Variants in B3GALT1 observed in about 807,000 individuals in gnomAD.
B3GALT1 encodes the protein UDP-Gal:betaGlcNAc beta 1,3-galactosyltransferase, polypeptide 1.
A neutral mutation model predicts 23.2 loss-of-function variants in B3GALT1; 10 were observed. The ratio of observed to expected loss-of-function variants is 0.43; its 90% CI spans 0.27 to 0.73. B3GALT1 has a LOEUF of 0.73. Ranked by LOEUF, B3GALT1 falls within the 30% of genes least tolerant of loss-of-function variation. B3GALT1 has a pLI of 0.21. For missense variants in B3GALT1, 299 were observed against 405.4 expected (o/e 0.74, Z 2.25); for synonymous variants, 156 against 141.5 (o/e 1.10, Z -0.73).
At chr2:167,421,250 A>C (rs1698543017) in intron 1 of B3GALT1, among the ~76,000 whole-genome samples, 2 of 152,234 alleles carry the variant, frequency 1.3e-5, no homozygotes, top group Non-Finnish European at 2.9e-5. Context: ...TGTACTAGTC[A>C]CATTGCAATT....
chr2:167,557,643 C>G (rs1487664817), intron 2 of B3GALT1, among the ~76,000 whole-genome samples: 1 of 152,216 alleles, frequency 6.6e-6, no homozygotes, highest in Non-Finnish European at 1.5e-5. Context: ...TCATGGACTG[C>G]ACCCCATCCC....
At chr2:167,362,340 G>A (rs1260853762) in intron 1 of B3GALT1, among the ~76,000 whole-genome samples, 1 of 152,006 alleles carries the variant, frequency 6.6e-6, no homozygotes, top group African/African-American at 2.4e-5. Context: ...CTTTTGCTAT[G>A]CTAGCCTTTA....
intron 1 of B3GALT1, among the ~76,000 whole-genome samples, chr2:167,438,751 T>G (rs934266261): frequency 6.6e-6 from 1 of 152,214 alleles, no homozygotes; most frequent in African/African-American, 2.4e-5. Flanking sequence ...AACTACTGAT[T>G]CCAGCTTACA....
intron 2 of B3GALT1, among the ~76,000 whole-genome samples, chr2:167,623,838 G>A: frequency 6.6e-6 from 1 of 152,010 alleles, no homozygotes; most frequent in East Asian, 1.9e-4. Flanking sequence ...TGTGTAGCAG[G>A]ATGTTTTCAC....
intron 1 of B3GALT1, among the ~76,000 whole-genome samples, chr2:167,446,051 C>T (rs1340624323): frequency 6.6e-6 from 1 of 152,202 alleles, no homozygotes; most frequent in African/African-American, 2.4e-5. Flanking sequence ...TCTTCTAAGG[C>T]AGACCTGGTG....
chr2:167,814,650 C>A (rs780855161), intron 3 of B3GALT1: 4 of 152,146 alleles, frequency 2.6e-5, no homozygotes, highest in African/African-American at 7.2e-5. Context: ...CTCACCTATT[C>A]GGGAGGCTGA....
chr2:167,591,938 T>C (rs964695470), intron 2 of B3GALT1, among the ~76,000 whole-genome samples: 15 of 152,096 alleles, frequency 9.9e-5, no homozygotes, highest in African/African-American at 3.4e-4. Context: ...AAAAATCAGG[T>C]AGTGATAGGT....
chr2:167,803,280 T>C (rs1438826146), intron 3 of B3GALT1, among the ~76,000 whole-genome samples: 8 of 152,226 alleles, frequency 5.3e-5, no homozygotes, highest in Non-Finnish European at 1.2e-4. Flanking sequence ...TACTTATGCA[T>C]TTTGAAGAAC....
At chr2:167,854,195 A>C (rs1689957061) in intron 4 of B3GALT1, among the ~76,000 whole-genome samples, 1 of 152,146 alleles carries the variant, frequency 6.6e-6, no homozygotes, top group South Asian at 2.1e-4. Context: ...CCAGCCTGTA[A>C]ATTAGATTAT....
chr2:167,442,058 T>G (rs55855527), intron 1 of B3GALT1, among the ~76,000 whole-genome samples: 21,151 of 137,776 alleles, frequency 0.15, 1,765 homozygotes, highest in East Asian at 0.37. Context: ...TTCCCCAGAG[T>G]GTGATGTTCC....
rs76023654 is a variant in B3GALT1, at chr2:167,871,378, A to G, written c.*1358A>G. ...ATGCTAAAATAATTGCATAATTACAATGATGGTCATCAGTAGCAGTAATAT... is the reference window on the plus strand; with the variant it reads ...ATGCTAAAATAATTGCATAATTACAGTGATGGTCATCAGTAGCAGTAATAT... On this transcript the variant is annotated 3_prime_UTR_variant, in exon 5 of 5. Coordinates refer to ENST00000392690, the MANE Select transcript of B3GALT1 (RefSeq NM_020981.4). 3.9e-5 allele frequency: 6 copies of G among 152,252 alleles called. No homozygotes were observed. The highest frequency in any genetic ancestry group is 1.2e-4 in the African/African-American group (5 of 41,464). 9.4% of individuals were successfully genotyped at this position (152,252 alleles called of 1,614,324 possible).
At chr2:167,608,598 T>C (rs958897366) in intron 2 of B3GALT1, among the ~76,000 whole-genome samples, 1 of 152,188 alleles carries the variant, frequency 6.6e-6, no homozygotes, top group Admixed American at 6.6e-5. Context: ...CTGAATTTAC[T>C]AGGATTTTCC....
chr2:167,307,353 C>T (rs1696566998), intron 1 of B3GALT1, among the ~76,000 whole-genome samples: 1 of 152,012 alleles, frequency 6.6e-6, no homozygotes, highest in Non-Finnish European at 1.5e-5. Context: ...TTGATTATCA[C>T]ATTATCTTCA....
intron 1 of B3GALT1, among the ~76,000 whole-genome samples, chr2:167,462,395 A>C (rs1699272163): frequency 6.6e-6 from 1 of 152,116 alleles, no homozygotes; most frequent in Non-Finnish European, 1.5e-5. Flanking sequence ...CTTACTGCTG[A>C]CTCAAAATTT....
intron 1 of B3GALT1, among the ~76,000 whole-genome samples, chr2:167,483,373 T>C (rs1699586135): frequency 6.6e-6 from 1 of 152,200 alleles, no homozygotes; most frequent in Admixed American, 6.5e-5. Context: ...TGGGTTCATA[T>C]GGCAGTACTT....
intron 3 of B3GALT1, among the ~76,000 whole-genome samples, chr2:167,756,388 A>G (rs1214624103): frequency 3.3e-5 from 5 of 152,206 alleles, no homozygotes; most frequent in African/African-American, 1.2e-4. Context: ...ACCTCTACTG[A>G]AAAACATGTT....
chr2:167,830,499 A>C (rs1478400787), intron 4 of B3GALT1, among the ~76,000 whole-genome samples: 1 of 152,190 alleles, frequency 6.6e-6, no homozygotes, highest in Non-Finnish European at 1.5e-5. Context: ...AAACTTGTCC[A>C]CAATTGTGAA....
intron 1 of B3GALT1, among the ~76,000 whole-genome samples, chr2:167,306,289 T>G (rs1193968414): frequency 6.6e-6 from 1 of 151,986 alleles, no homozygotes; most frequent in South Asian, 2.1e-4. Context: ...TAATAAAATA[T>G]AAAAATGCAC....
At chr2:167,382,431 A>G (rs908960540) in intron 1 of B3GALT1, among the ~76,000 whole-genome samples, 12 of 151,190 alleles carry the variant, frequency 7.9e-5, no homozygotes, top group African/African-American at 2.9e-4. Context: ...ACTGTTTTGC[A>G]CCTCTCCCTA....
Sources: allele counts gnomAD v4.1 joint callset (sites outside exome capture counted in the v4.1 genomes callset), GRCh38; gene constraint gnomAD v4.1.1; transcripts MANE v1.5; gene names NCBI Gene and HGNC (gene_info 2026-07-23, HGNC 2026-07-21).